Variants in TGFB2 observed in about 807,000 individuals in gnomAD.
TGFB2 encodes the protein transforming growth factor beta-2 proprotein.
A neutral mutation model predicts 42.7 loss-of-function variants in TGFB2; 13 were observed. The observed-to-expected ratio is 0.30, with a 90% CI of 0.20 to 0.48. TGFB2 has a LOEUF of 0.48. TGFB2 is among the 20% of genes least tolerant of loss of function. The probability of loss-of-function intolerance (pLI) is 0.99; values close to 1 mark genes in which losing one functional copy is unlikely to be tolerated. For missense variants in TGFB2, 390 were observed against 517.5 expected, an observed-to-expected ratio of 0.75 and a Z score of 2.39; for synonymous variants, 193 against 193.6, an observed-to-expected ratio of 1.00 and a Z score of 0.03.
intron 2 of TGFB2, chr1:218,405,557 C>T (rs1216963051): frequency 4.7e-6 from 3 of 644,290 alleles, no homozygotes; most frequent in South Asian, 1.7e-5. Flanking sequence ...TTTTTAGATA[C>T]GAGGTCTCAC....
At chr1:218,414,851 G>A (rs899995693) in intron 2 of TGFB2, among the ~76,000 whole-genome samples, 4 of 152,136 alleles carry the variant, frequency 2.6e-5, no homozygotes, top group Non-Finnish European at 4.4e-5. Context: ...TATTTTACAA[G>A]TGAGGAAACT....
intron 6 of TGFB2, among the ~76,000 whole-genome samples, chr1:218,439,645 G>A (rs1660091505): frequency 6.6e-6 from 1 of 152,196 alleles, no homozygotes; most frequent in Non-Finnish European, 1.5e-5. Flanking sequence ...GGCCATGTGA[G>A]GGAAGCTTGC....
At chr1:218,407,209 A>G (rs953743887) in intron 2 of TGFB2, among the ~76,000 whole-genome samples, 1 of 152,144 alleles carries the variant, frequency 6.6e-6, no homozygotes, top group Non-Finnish European at 1.5e-5. Flanking sequence ...GCGATCCTAC[A>G]GGTGTGCATC....
chr1:218,362,138 G>A lies in TGFB2; in HGVS notation c.346+15091G>A, dbSNP rs563325101. 5.9e-5 allele frequency among the ~76,000 whole-genome samples: 9 copies of A among 152,302 alleles called. No individual in the cohort carries two copies. In the South Asian group the frequency reaches 1.7e-3, roughly 28 times the overall value. ...TCTTTGTTATCCATTTAAAAATCAA[G>A]TGATAAGAGGCACACATATGGCAAA... is the stretch of plus-strand genomic sequence containing the variant. On this transcript the variant is annotated intron_variant, in intron 1 of 6. Coordinates refer to ENST00000366930, the MANE Select transcript of TGFB2 (RefSeq NM_003238.6).
chr1:218,401,090 C>T lies in TGFB2; in HGVS notation c.347-4079C>T, dbSNP rs57308748. Among the ~76,000 whole-genome samples the T allele has an allele frequency of 3.7e-3, 562 of 152,286 alleles. 3 individuals carry two copies. Among genetic ancestry groups the T allele is most frequent in the African/African-American group, 0.013 (551 of 41,566 alleles). On this transcript the variant is annotated intron_variant, in intron 1 of 6. Transcript: ENST00000366930. ...CAGAGCACTAAATTCAGGTATGAGACCTTTCTGAGGATGGAGACCCTGTGC... is the reference window on the plus strand; with the variant it reads ...CAGAGCACTAAATTCAGGTATGAGATCTTTCTGAGGATGGAGACCCTGTGC...
At chr1:218,393,261 C>CAAT (rs1461220407) in intron 1 of TGFB2, among the ~76,000 whole-genome samples, 10 of 152,094 alleles carry the variant, frequency 6.6e-5, no homozygotes, top group African/African-American at 9.7e-5. Context: ...CAAGAATGTC[C>CAAT]AATGCTGAGC....
intron 1 of TGFB2, among the ~76,000 whole-genome samples, chr1:218,396,348 C>T (rs998518834): frequency 2.6e-5 from 4 of 152,116 alleles, no homozygotes; most frequent in Non-Finnish European, 5.9e-5. Flanking sequence ...GAGGCTCCAT[C>T]GGTGGAGAGC....
chr1:218,434,428 A>T lies in TGFB2; in HGVS notation c.734A>T (p.Glu245Val), dbSNP rs1659906438. The T allele has an allele frequency of 6.2e-7, 1 of 1,613,240 alleles. No individual in the cohort carries two copies. Among genetic ancestry groups the T allele is most frequent in the Non-Finnish European group, 8.5e-7 (1 of 1,179,322 alleles). Reference sequence around the variant, plus strand: ...TACATCATCCCAAATAAAAGTGAAGAACTAGAAGCAAGATTTGCAGGTAAC... The same window carrying T: ...TACATCATCCCAAATAAAAGTGAAGTACTAGAAGCAAGATTTGCAGGTAAC... ...NNYIIPNKSE[E>V]LEARFAGIDG... is the part of the protein sequence containing the mutation. The change falls in exon 4 of 7, where the codon GAA becomes GTA. Residue 245 changes from glutamate to valine, a missense_variant. Transcript: ENST00000366930.
chr1:218,377,338 T>C (rs989102895), intron 1 of TGFB2, among the ~76,000 whole-genome samples: 18 of 152,244 alleles, frequency 1.2e-4, no homozygotes, highest in African/African-American at 4.3e-4. Flanking sequence ...GATATCTATG[T>C]TGATAGCATA....
At chr1:218,372,051 G>A (rs1290033006) in intron 1 of TGFB2, among the ~76,000 whole-genome samples, 1 of 152,112 alleles carries the variant, frequency 6.6e-6, no homozygotes, top group African/African-American at 2.4e-5. Context: ...AGCGTGCTAG[G>A]TAGCTCAGGG....
intron 1 of TGFB2, among the ~76,000 whole-genome samples, chr1:218,386,382 A>G (rs907927672): frequency 6.6e-6 from 1 of 152,228 alleles, no homozygotes; most frequent in Non-Finnish European, 1.5e-5. Flanking sequence ...GCCAGATGTC[A>G]TTAAAAATGA....
chr1:218,439,739 C>A (rs1312555381), intron 6 of TGFB2, among the ~76,000 whole-genome samples: 1 of 152,064 alleles, frequency 6.6e-6, no homozygotes, highest in Non-Finnish European at 1.5e-5. Flanking sequence ...TGGGCAAGGC[C>A]CTGTTGCCAA....
chr1:218,348,537 T>C (rs1656767272), intron 1 of TGFB2, among the ~76,000 whole-genome samples: 1 of 152,240 alleles, frequency 6.6e-6, no homozygotes, highest in Non-Finnish European at 1.5e-5. Flanking sequence ...GCAGAACAGA[T>C]GCAGAGAATT....
At chr1:218,412,105 A>G (rs781033782) in intron 2 of TGFB2, among the ~76,000 whole-genome samples, 1 of 152,210 alleles carries the variant, frequency 6.6e-6, no homozygotes, top group Admixed American at 6.5e-5. Flanking sequence ...CATCAGCATC[A>G]TACCTGGTGC....
chr1:218,363,321 T>C lies in TGFB2; in HGVS notation c.346+16274T>C, dbSNP rs1407907058. 3 of 1,613,288 alleles carry C rather than the reference T, an allele frequency of 1.9e-6. No individual in the cohort carries two copies. The South Asian group carries it at 3.3e-5, about 18-fold the overall frequency. On this transcript the variant is annotated intron_variant, in intron 1 of 6. Coordinates refer to ENST00000366930, the MANE Select transcript of TGFB2 (RefSeq NM_003238.6). ...GTAAAATAGCTAATGACTGTGCTTT[T>C]TAAAACTCCTAGCTGTCTGCCCAGT...
intron 1 of TGFB2, among the ~76,000 whole-genome samples, chr1:218,370,067 G>A (rs1657522299): frequency 6.6e-6 from 1 of 152,172 alleles, no homozygotes. Context: ...CATAGATCCT[G>A]TCCTCAGGGA....
At chr1:218,377,607 T>C (rs1415231050) in intron 1 of TGFB2, among the ~76,000 whole-genome samples, 4 of 152,304 alleles carry the variant, frequency 2.6e-5, no homozygotes, top group South Asian at 4.1e-4. Context: ...GAGATACTTA[T>C]GCTTCCTCAG....
At chr1:218,432,323 A>T (rs765888879) in intron 2 of TGFB2, among the ~76,000 whole-genome samples, 2 of 152,198 alleles carry the variant, frequency 1.3e-5, no homozygotes, top group Non-Finnish European at 2.9e-5. Context: ...CGCAAAGAAC[A>T]TTTCTTACCT....
rs143523922 is a variant in TGFB2 at position 218,365,741 on chromosome 1, G to A, written c.346+18694G>A. Among the ~76,000 whole-genome samples, 630 of 152,196 alleles carry A rather than the reference G, an allele frequency of 4.1e-3. 3 individuals are homozygous for A. Among genetic ancestry groups the A allele is most frequent in the African/African-American group, 0.014 (582 of 41,524 alleles). ...TAAGTGAGTGTATGCCAGGGGGCAG[G>A]CATCCAGGGTCAGGGTGAATTTCTC... On this transcript the variant is annotated intron_variant, in intron 1 of 6. Transcript: ENST00000366930.
Sources: allele counts gnomAD v4.1 joint callset (sites outside exome capture counted in the v4.1 genomes callset), GRCh38; gene constraint gnomAD v4.1.1; transcripts MANE v1.5; gene names NCBI Gene and HGNC (gene_info 2026-07-23, HGNC 2026-07-21).